Variants in WWOX observed in about 807,000 individuals in gnomAD.
WWOX encodes WW domain containing oxidoreductase, also known as WW domain-containing oxidoreductase.
In WWOX, 69 loss-of-function variants were observed where a neutral mutation model predicts 46.2. The ratio of observed to expected loss-of-function variants is 1.49; its 90% CI spans 1.23 to 1.82. The LOEUF (loss-of-function observed/expected upper bound fraction) is 1.82. Ranked by LOEUF, WWOX falls within the 40% of genes most tolerant of loss-of-function variation. WWOX has a pLI of 0.00. For synonymous variants in WWOX, 359 were observed against 202.6 expected, an observed-to-expected ratio of 1.77 and a Z score of -6.56; for missense variants, 919 against 542.6, an observed-to-expected ratio of 1.69 and a Z score of -6.89.
intron 8 of WWOX, among the ~76,000 whole-genome samples, chr16:78,708,763 G>T (rs1036894723): frequency 6.6e-6 from 1 of 152,174 alleles, no homozygotes; most frequent in African/African-American, 2.4e-5. Flanking sequence ...ACATGACGTT[G>T]AAATCAGTGA....
At chr16:79,119,614 A>C (rs112455265) in intron 8 of WWOX, among the ~76,000 whole-genome samples, 1 of 152,236 alleles carries the variant, frequency 6.6e-6, no homozygotes, top group Non-Finnish European at 1.5e-5. Flanking sequence ...TGGATTCAAT[A>C]ATGTGCCAGC....
chr16:79,029,273 C>T (rs954219951), intron 8 of WWOX, among the ~76,000 whole-genome samples: 1 of 152,194 alleles, frequency 6.6e-6, no homozygotes, highest in Non-Finnish European at 1.5e-5. Flanking sequence ...CACGCGGAAA[C>T]TGGATGTTTC....
chr16:78,575,024 T>TATATATATATATATATATATATAA (rs2044826417), intron 8 of WWOX, among the ~76,000 whole-genome samples: 1 of 3,412 alleles, frequency 2.9e-4, no homozygotes, highest in Non-Finnish European at 4.7e-4. Flanking sequence ...TATATATAAA[T>TATATATATATATATATATATATAA]ATATATATAT....
chr16:78,143,136 G>T (rs1238773200), intron 4 of WWOX, among the ~76,000 whole-genome samples: 1 of 152,168 alleles, frequency 6.6e-6, no homozygotes, highest in Admixed American at 6.5e-5. Flanking sequence ...AACAAACTGT[G>T]TAATAAGATT....
At chr16:78,220,659 G>T (rs1190430424) in intron 5 of WWOX, among the ~76,000 whole-genome samples, 1 of 152,136 alleles carries the variant, frequency 6.6e-6, no homozygotes, top group African/African-American at 2.4e-5. Flanking sequence ...AAGACAAAAA[G>T]TTTAGGGACA....
chr16:79,203,176 C>G (rs141400391), intron 8 of WWOX: 3 of 152,278 alleles, frequency 2.0e-5, no homozygotes, highest in East Asian at 1.9e-4. Context: ...GAAGAGATCT[C>G]TCTGTGTAAA....
intron 8 of WWOX, among the ~76,000 whole-genome samples, chr16:78,833,095 G>T (rs1346364241): frequency 1.3e-5 from 2 of 149,844 alleles, no homozygotes; most frequent in Non-Finnish European, 3.0e-5. Context: ...AGGCTGCAGT[G>T]CAGTGGTACA....
intron 8 of WWOX, among the ~76,000 whole-genome samples, chr16:78,915,263 A>C (rs2045220911): frequency 6.6e-6 from 1 of 152,202 alleles, no homozygotes. Context: ...TGACCATTCC[A>C]GTCATGAAAC....
At chr16:78,753,543 T>A (rs1165543442) in intron 8 of WWOX, among the ~76,000 whole-genome samples, 1 of 151,954 alleles carries the variant, frequency 6.6e-6, no homozygotes, top group Non-Finnish European at 1.5e-5. Context: ...CTCATGCCTG[T>A]AATCCCATCA....
Position 78,203,618 on chromosome 16 carries a change from A to G in WWOX, c.516+39329A>G, listed in dbSNP as rs574906753. On this transcript the variant is annotated intron_variant, in intron 5 of 8. Coordinates refer to ENST00000566780, the MANE Select transcript of WWOX (RefSeq NM_016373.4). Reference sequence around the variant, plus strand: ...CCGTCTGCAAGATGAAGGCAAGATCAAGAGATGTCAGTTAACATTCTTGCG... The same window carrying G: ...CCGTCTGCAAGATGAAGGCAAGATCGAGAGATGTCAGTTAACATTCTTGCG... Among the ~76,000 whole-genome samples the G allele has an allele frequency of 2.0e-5, 3 of 152,306 alleles. No individual in the cohort carries two copies. In the South Asian group the frequency reaches 6.2e-4, roughly 32 times the overall value.
intron 8 of WWOX, among the ~76,000 whole-genome samples, chr16:78,872,377 C>T (rs1021490549): frequency 6.6e-6 from 1 of 152,132 alleles, no homozygotes; most frequent in South Asian, 2.1e-4. Flanking sequence ...AAAGCTATTA[C>T]TAACGTCATT....
intron 8 of WWOX, among the ~76,000 whole-genome samples, chr16:79,035,273 C>G (rs148329273): frequency 8.9e-4 from 135 of 152,278 alleles, no homozygotes; most frequent in African/African-American, 3.0e-3. Context: ...TGGCTCTACT[C>G]CTGGAAACCC....
chr16:78,773,801 C>T (rs1360034662), intron 8 of WWOX, among the ~76,000 whole-genome samples: 1 of 152,166 alleles, frequency 6.6e-6, no homozygotes, highest in Non-Finnish European at 1.5e-5. Context: ...TGGGATCAGG[C>T]AGTACTTTGC....
Position 78,565,795 on chromosome 16 carries a change from C to G in WWOX, c.1056+133043C>G, listed in dbSNP as rs140928608. On this transcript the variant is annotated intron_variant, in intron 8 of 8. Transcript: ENST00000566780. The stretch of plus-strand genomic sequence containing the variant: ...TATCCGCGGAAGTAGAGAATATAAG[C>G]TTTATCCAGGGGGCCACTCAGTGAT... 6.2e-3 allele frequency among the ~76,000 whole-genome samples: 947 copies of G among 152,254 alleles called. 7 individuals are homozygous for G. The highest frequency in any genetic ancestry group is 9.4e-3 in the Non-Finnish European group (636 of 68,018).
At chr16:78,898,163 C>T (rs964470976) in intron 8 of WWOX, 2 of 151,656 alleles carry the variant, frequency 1.3e-5, no homozygotes, top group African/African-American at 4.8e-5. Flanking sequence ...TGATAGTGTC[C>T]AATTTATCTT....
At chr16:78,356,476 CTA>C (rs1289711081) in intron 5 of WWOX, among the ~76,000 whole-genome samples, 1 of 152,168 alleles carries the variant, frequency 6.6e-6, no homozygotes, top group Non-Finnish European at 1.5e-5. Context: ...TGACACATCT[CTA>C]GTTTGTTGTA....
intron 8 of WWOX, among the ~76,000 whole-genome samples, chr16:78,566,344 C>G (rs571635588): frequency 3.1e-4 from 47 of 152,310 alleles, no homozygotes; most frequent in African/African-American, 9.9e-4. Flanking sequence ...ACTTACCTCT[C>G]TACTAAGTGA....
intron 8 of WWOX, among the ~76,000 whole-genome samples, chr16:78,996,981 T>G (rs999024244): frequency 6.6e-6 from 1 of 152,246 alleles, no homozygotes; most frequent in Non-Finnish European, 1.5e-5. Context: ...TCTTTTCGCC[T>G]TGGCAGTCCC....
chr16:78,451,046 G>C (rs909202472), intron 8 of WWOX, among the ~76,000 whole-genome samples: 1 of 152,156 alleles, frequency 6.6e-6, no homozygotes, highest in Non-Finnish European at 1.5e-5. Flanking sequence ...ACTGTGGTTT[G>C]CTTTCCCGTT....
Sources: gnomAD v4.1 joint callset for allele counts (sites outside exome capture counted in the v4.1 genomes callset) on GRCh38, gnomAD v4.1.1 for gene constraint, MANE v1.5 for transcripts, NCBI Gene and HGNC (gene_info 2026-07-23, HGNC 2026-07-21) for gene names.